Variants in MAP3K7 observed in about 807,000 individuals in gnomAD.
MAP3K7 encodes TGF-beta activated kinase 1.
MAP3K7 carries 21 observed loss-of-function variants against 84.8 expected under a neutral mutation model. That is an observed-to-expected ratio of 0.25 (90% confidence interval 0.18 to 0.36). The LOEUF (loss-of-function observed/expected upper bound fraction) is 0.36. Among genes scored for constraint, MAP3K7 ranks in the 10% least tolerant of loss-of-function variants. The pLI is 1.00. For synonymous variants in MAP3K7, 241 were observed against 247.7 expected, an observed-to-expected ratio of 0.97 and a Z score of 0.25; for missense variants, 503 against 747.7, an observed-to-expected ratio of 0.67 and a Z score of 3.82.
At chr6:90,581,435 TC>T (rs1227494631) in intron 1 of MAP3K7, among the ~76,000 whole-genome samples, 2 of 152,184 alleles carry the variant, frequency 1.3e-5, no homozygotes, top group Non-Finnish European at 2.9e-5. Flanking sequence ...ACTTGGAGCC[TC>T]CAACTATGTT....
intron 13 of MAP3K7, among the ~76,000 whole-genome samples, chr6:90,530,848 A>G (rs575506532): frequency 1.3e-5 from 2 of 152,306 alleles, no homozygotes; most frequent in South Asian, 4.1e-4. Flanking sequence ...CTTGTAACCA[A>G]CTACTGAAGA....
chr6:90,546,436 G>T (rs147887417), intron 11 of MAP3K7, among the ~76,000 whole-genome samples: 3 of 152,256 alleles, frequency 2.0e-5, no homozygotes, highest in African/African-American at 7.2e-5. Context: ...GTTTATCTCT[G>T]AGTGGGGTAA....
intron 1 of MAP3K7, among the ~76,000 whole-genome samples, chr6:90,579,787 T>C (rs545032035): frequency 1.3e-5 from 2 of 152,210 alleles, no homozygotes; most frequent in African/African-American, 4.8e-5. Context: ...CTCCCATTGT[T>C]TAAAAATACC....
rs188889108 is a variant in MAP3K7, at chr6:90,548,726, G to A, written c.950-549C>T. 1.9e-3 allele frequency among the ~76,000 whole-genome samples: 285 copies of A among 151,206 alleles called. 1 individual carries two copies. Among genetic ancestry groups the A allele is most frequent in the African/African-American group, 6.2e-3 (254 of 41,158 alleles). On this transcript the variant is annotated intron_variant, in intron 9 of 16. Coordinates refer to ENST00000369329, the MANE Select transcript of MAP3K7 (RefSeq NM_145331.3). ...CACTCCAACATTTCTAGGTTGGGGA[G>A]ATGAGGAATAACCAGCAAAGAAAAC...
At chr6:90,538,363 A>G (rs929666464) in intron 12 of MAP3K7, among the ~76,000 whole-genome samples, 1 of 151,942 alleles carries the variant, frequency 6.6e-6, no homozygotes, top group Non-Finnish European at 1.5e-5. Flanking sequence ...TTGCAACTGA[A>G]TACTAATTTA....
At position 90,518,496 on chromosome 6, in the gene MAP3K7, G is replaced by C; in HGVS notation, c.1591C>G (p.Gln531Glu). The change falls in exon 16 of 17, where the codon CAA becomes GAA. Residue 531 changes from glutamine to glutamate, a missense_variant. By Grantham distance (29) the Gln-to-Glu change is conservative. This residue lies in a region of MAP3K7 where 36 missense variants were observed against 74.5 expected (regional missense o/e 0.48). Transcript: ENST00000369329. ...AVFEQHCKMA[Q>E]EYMKVQTEIA... Reference sequence around the variant, plus strand: ...TCTGTTTGAACTTTCATATATTCTTGTGCCATTTTACAATGCTGTTCAAAC... The same window carrying C: ...TCTGTTTGAACTTTCATATATTCTTCTGCCATTTTACAATGCTGTTCAAAC... The C allele has an allele frequency of 2.5e-6, 4 of 1,608,164 alleles. No homozygotes were observed. Among genetic ancestry groups the C allele is most frequent in the Non-Finnish European group, 3.4e-6 (4 of 1,176,518 alleles).
Position 90,547,238 on chromosome 6 carries a change from G to T in MAP3K7, c.1210+20C>A. ...GGCTTATATACATTTTCACTCTTCA[G>T]ACTTGTAGTTCCTTTTTACCTGTGG... On this transcript the variant is annotated intron_variant, in intron 11 of 16. Transcript: ENST00000369329. 1 of 1,612,972 alleles carries T rather than the reference G, an allele frequency of 6.2e-7. No individual in the cohort carries two copies. The highest frequency in any genetic ancestry group is 8.5e-7 in the Non-Finnish European group (1 of 1,179,464).
At chr6:90,579,369 A>G (rs114765306) in intron 1 of MAP3K7, among the ~76,000 whole-genome samples, 10,678 of 152,130 alleles carry the variant, frequency 0.07, 371 homozygotes, top group South Asian at 0.087. Context: ...TAAGAGTTCT[A>G]TTTTAGCCTC....
chr6:90,553,232 G>A (rs1776235227), intron 7 of MAP3K7, among the ~76,000 whole-genome samples: 1 of 152,114 alleles, frequency 6.6e-6, no homozygotes, highest in South Asian at 2.1e-4. Context: ...CGGAGCCAGT[G>A]AACATCCTCA....
chr6:90,549,079 G>T (rs1177404249), intron 9 of MAP3K7, among the ~76,000 whole-genome samples: 1 of 152,132 alleles, frequency 6.6e-6, no homozygotes. Context: ...AACTGATGAT[G>T]CAAGAGACAG....
At position 90,586,958 on chromosome 6, in the gene MAP3K7, C is replaced by T. The variant is rs898513932; in HGVS notation, c.-75G>A. On this transcript the variant is annotated 5_prime_UTR_variant, in exon 1 of 17. Transcript: ENST00000369329. ...CCGGGTGAGACCCGCGCCCACCCGC[C>T]TCCGGACCGACCCTCAGCCTGGAGC... The T allele has an allele frequency of 6.8e-7, 1 of 1,460,914 alleles. No individual in the cohort carries two copies. The highest frequency in any genetic ancestry group is 1.5e-5 in the African/African-American group (1 of 68,160). 90.5% of individuals were successfully genotyped at this position (1,460,914 alleles called of 1,614,324 possible).
chr6:90,535,361 T>C (rs546680316), intron 13 of MAP3K7, among the ~76,000 whole-genome samples: 13 of 151,862 alleles, frequency 8.6e-5, no homozygotes, highest in Non-Finnish European at 1.5e-4. Flanking sequence ...AACAGATTGT[T>C]TATAATATAT....
chr6:90,579,205 A>T (rs1354993124), intron 1 of MAP3K7, among the ~76,000 whole-genome samples: 3 of 152,366 alleles, frequency 2.0e-5, no homozygotes, highest in African/African-American at 4.8e-5. Context: ...ATTATATTCG[A>T]ATCAGATTTT....
rs747832498 is a variant in MAP3K7, at chr6:90,523,735, C to T, written c.1405G>A (p.Gly469Arg). The T allele has an allele frequency of 1.2e-6, 2 of 1,613,338 alleles. No homozygotes were observed. The highest frequency in any genetic ancestry group is 1.7e-6 in the Non-Finnish European group (2 of 1,179,580). The change falls in exon 14 of 17, where the codon GGA becomes AGA. Residue 469 changes from glycine (G) to arginine (R), a missense_variant. Around this residue, in one of 5 missense-constraint regions of MAP3K7, gnomAD observed 286 missense variants for 313.6 expected, o/e 0.91. Transcript: ENST00000369329. Reference sequence around the variant, plus strand: ...CGAGTTGGCTTTTCTGAGGTTGGTCCTGAGGTAGTAATCATTCTGACACTG... The same window carrying T: ...CGAGTTGGCTTTTCTGAGGTTGGTCTTGAGGTAGTAATCATTCTGACACTG... Reference protein sequence around the residue: ...SPSVRMITTSGPTSEKPTRSH... With the variant: ...SPSVRMITTSRPTSEKPTRSH...
In MAP3K7 at chr6:90,519,403, T is replaced by G; in HGVS notation, c.1463-84A>C. 3.5e-6 allele frequency: 3 copies of G among 845,170 alleles called. No individual in the cohort carries two copies. In the South Asian group the frequency reaches 4.7e-5, roughly 13 times the overall value. 52.4% of individuals were successfully genotyped at this position (845,170 alleles called of 1,614,324 possible). On this transcript the variant is annotated intron_variant, in intron 14 of 16. Transcript: ENST00000369329. ...CAAGAAAGCATGAATGAAATGCTTT[T>G]TTTCCCTAAAGTAAATAATATGTAA...
At position 90,548,242 on chromosome 6, in the gene MAP3K7, A is replaced by G. The variant is rs189536948; in HGVS notation, c.950-65T>C. Reference sequence around the variant, plus strand: ...TAATACAAATGCTTCACTTGGTATTATGTAACTTACATTCTTTTATAAACT... The same window carrying G: ...TAATACAAATGCTTCACTTGGTATTGTGTAACTTACATTCTTTTATAAACT... On this transcript the variant is annotated intron_variant, in intron 9 of 16. Coordinates refer to ENST00000369329, the MANE Select transcript of MAP3K7 (RefSeq NM_145331.3). The G allele has an allele frequency of 1.3e-4, 179 of 1,377,830 alleles. 2 individuals carry two copies. In the East Asian group the frequency reaches 4.2e-3, roughly 33 times the overall value. The allele number at this position is 1,377,830 out of a possible 1,614,324, so 85.4% of individuals were successfully genotyped here.
At position 90,519,298 on chromosome 6, in the gene MAP3K7, G is replaced by A; in HGVS notation, c.1484C>T (p.Ser495Phe). The change falls in exon 15 of 17, where the codon TCC becomes TTC. Residue 495 changes from serine (S) to phenylalanine (F), a missense_variant. Physicochemically the swap from Ser to Phe is radical, Grantham distance 155. Transcript: ENST00000369329. The part of the protein sequence containing the change: ...DSTDTNGSDN[S>F]IPMAYLTLDH... ...CAGTGTAAGATAAGCCATTGGGATG[G>A]AGTTATCTGATCCATTGGTATCTGG... 6.3e-7 allele frequency: 1 copy of A among 1,583,066 alleles called. No homozygotes were observed. The highest frequency in any genetic ancestry group is 8.6e-7 in the Non-Finnish European group (1 of 1,166,704).
chr6:90,574,116 T>C (rs1776993703), intron 1 of MAP3K7, among the ~76,000 whole-genome samples: 1 of 152,222 alleles, frequency 6.6e-6, no homozygotes, highest in South Asian at 2.1e-4. Flanking sequence ...GTTTCTGTTT[T>C]CTCAGCAGTA....
chr6:90,582,356 C>T (rs1777301862), intron 1 of MAP3K7, among the ~76,000 whole-genome samples: 1 of 152,174 alleles, frequency 6.6e-6, no homozygotes. Context: ...CTTTCATGTA[C>T]TCATTGAACA....
Sources: gnomAD v4.1 joint callset for allele counts (sites outside exome capture counted in the v4.1 genomes callset) on GRCh38, gnomAD v4.1.1 for gene constraint, gnomAD v4.1.1 regional missense constraint, MANE v1.5 for transcripts, NCBI Gene and HGNC (gene_info 2026-07-23, HGNC 2026-07-21) for gene names.